Variants in SNX29 observed in about 807,000 individuals in gnomAD.
The protein encoded by SNX29 is sorting nexin 29, also known as sorting nexin-29.
A neutral mutation model predicts 102.1 loss-of-function variants in SNX29; 78 were observed. The ratio of observed to expected loss-of-function variants is 0.76; its 90% CI spans 0.64 to 0.92. The LOEUF (loss-of-function observed/expected upper bound fraction) is 0.92, where lower values mean the gene tolerates loss of function less well. Among genes scored for constraint, SNX29 ranks in the 40% least tolerant of loss-of-function variants. SNX29 has a pLI of 0.00. For synonymous variants in SNX29, 580 were observed against 414.5 expected, an observed-to-expected ratio of 1.40 and a Z score of -4.85; for missense variants, 1,280 against 1,061.7, an observed-to-expected ratio of 1.21 and a Z score of -2.86.
At chr16:12,557,350 G>A (rs149416216) in intron 20 of SNX29, 2 of 152,290 alleles carry the variant, frequency 1.3e-5, no homozygotes, top group East Asian at 1.9e-4. Flanking sequence ...CTCAGAAGAG[G>A]GTGGAGATGC....
At chr16:12,494,818 C>G (rs2088731815) in intron 19 of SNX29, among the ~76,000 whole-genome samples, 1 of 152,206 alleles carries the variant, frequency 6.6e-6, no homozygotes, top group African/African-American at 2.4e-5. Context: ...TGGCTCTTAG[C>G]TCTCCGCTGT....
chr16:12,065,555 C>T (rs2050995232), intron 9 of SNX29, among the ~76,000 whole-genome samples: 1 of 152,194 alleles, frequency 6.6e-6, no homozygotes, highest in African/African-American at 2.4e-5. Flanking sequence ...TCCTTGTCCT[C>T]ACGTTGGATC....
intron 18 of SNX29, among the ~76,000 whole-genome samples, chr16:12,426,913 G>T (rs950273687): frequency 2.0e-5 from 3 of 152,132 alleles, no homozygotes; most frequent in Non-Finnish European, 4.4e-5. Flanking sequence ...TGATCCACCT[G>T]CCTCGGCCTC....
intron 20 of SNX29, among the ~76,000 whole-genome samples, chr16:12,559,388 C>T (rs922459115): frequency 6.6e-6 from 1 of 151,302 alleles, no homozygotes; most frequent in Non-Finnish European, 1.5e-5. Flanking sequence ...TCACCCTCTC[C>T]CATCGCCCCC....
chr16:12,217,656 T>A (rs555000074), intron 14 of SNX29, among the ~76,000 whole-genome samples: 16 of 152,336 alleles, frequency 1.1e-4, no homozygotes, highest in African/African-American at 3.8e-4. Context: ...GTCCCATGCT[T>A]ATTTCCCCTG....
chr16:12,026,884 C>T (rs1274861157), intron 3 of SNX29, among the ~76,000 whole-genome samples: 2 of 152,154 alleles, frequency 1.3e-5, no homozygotes, highest in African/African-American at 4.8e-5. Flanking sequence ...CTGGTGAATT[C>T]AGTCTCCAAA....
intron 20 of SNX29, among the ~76,000 whole-genome samples, chr16:12,540,732 C>A (rs762574093): frequency 2.0e-5 from 3 of 152,182 alleles, no homozygotes; most frequent in Non-Finnish European, 4.4e-5. Flanking sequence ...AAGAGCTGGG[C>A]ATCCTTGGGG....
chr16:12,123,035 C>T (rs2054044493), intron 11 of SNX29, among the ~76,000 whole-genome samples: 1 of 152,068 alleles, frequency 6.6e-6, no homozygotes, highest in South Asian at 2.1e-4. Flanking sequence ...CCATGTTGGC[C>T]AGGCTGGTCT....
At chr16:12,492,924 G>T (rs1050188178) in intron 19 of SNX29, among the ~76,000 whole-genome samples, 2 of 152,150 alleles carry the variant, frequency 1.3e-5, no homozygotes, top group African/African-American at 4.8e-5. Flanking sequence ...TGCTGTTTTG[G>T]TTACTGTAGC....
chr16:12,301,128 C>G (rs1184524500), intron 15 of SNX29, among the ~76,000 whole-genome samples: 2 of 152,232 alleles, frequency 1.3e-5, no homozygotes, highest in Non-Finnish European at 2.9e-5. Context: ...CCCTCACTGT[C>G]TACATCTAGT....
intron 4 of SNX29, among the ~76,000 whole-genome samples, chr16:12,036,672 C>A (rs916506468): frequency 2.6e-5 from 4 of 151,854 alleles, no homozygotes; most frequent in African/African-American, 9.7e-5. Flanking sequence ...TGTTGTTGAG[C>A]AATGCTTTGT....
chr16:12,556,022 C>T (rs780454889), intron 20 of SNX29, among the ~76,000 whole-genome samples: 4 of 152,160 alleles, frequency 2.6e-5, no homozygotes, highest in South Asian at 2.1e-4. Context: ...GGACTCATGC[C>T]ATGCCACCGT....
At chr16:12,522,469 C>T (rs1597723809) in intron 19 of SNX29, among the ~76,000 whole-genome samples, 1 of 152,184 alleles carries the variant, frequency 6.6e-6, no homozygotes, top group Non-Finnish European at 1.5e-5. Flanking sequence ...TGGTTTGGAT[C>T]TGTGTTCCTA....
chr16:12,071,549 A>G (rs1275364367), intron 10 of SNX29, among the ~76,000 whole-genome samples: 1 of 152,198 alleles, frequency 6.6e-6, no homozygotes. Context: ...TGGTACCAGT[A>G]CCATGCTGTT....
intron 11 of SNX29, among the ~76,000 whole-genome samples, chr16:12,124,702 T>C (rs12708747): frequency 0.24 from 36,404 of 152,184 alleles, 4,354 homozygotes; most frequent in Middle Eastern, 0.33. Context: ...CAGCTGCATT[T>C]GTGGATGAAT....
At chr16:12,331,137 C>T (rs1300041320) in intron 15 of SNX29, among the ~76,000 whole-genome samples, 1 of 152,206 alleles carries the variant, frequency 6.6e-6, no homozygotes, top group African/African-American at 2.4e-5. Flanking sequence ...ATGAGCTTGG[C>T]AGGCCTGACT....
chr16:12,111,581 C>T (rs1009701236), intron 11 of SNX29, among the ~76,000 whole-genome samples: 2 of 152,178 alleles, frequency 1.3e-5, no homozygotes, highest in South Asian at 4.2e-4. Flanking sequence ...AAAGCAAGTG[C>T]CTGCTTCCAG....
intron 18 of SNX29, among the ~76,000 whole-genome samples, chr16:12,419,747 C>G (rs903019782): frequency 6.6e-6 from 1 of 152,178 alleles, no homozygotes; most frequent in Non-Finnish European, 1.5e-5. Context: ...AAGTGACTGT[C>G]TTTGACTCTC....
In SNX29 at chr16:12,569,460, G is replaced by A. The variant is rs570117239; in HGVS notation, c.*831G>A. 10 of 231,306 alleles carry A rather than the reference G, an allele frequency of 4.3e-5. No homozygotes were observed. The South Asian group carries it at 9.1e-4, about 21-fold the overall frequency. The allele number at this position is 231,306 out of a possible 1,614,324, so 14.3% of individuals were successfully genotyped here. A position where few individuals can be genotyped will look rare whatever the true frequency, so the allele number is the denominator to read the frequency against. ...AGTAGCATTGGCCCTACAGTCATGA[G>A]AGACTTGGGTCAGGGAACCACTGCA... is the stretch of plus-strand genomic sequence containing the variant. On this transcript the variant is annotated 3_prime_UTR_variant, in exon 21 of 21. Coordinates refer to ENST00000566228, the MANE Select transcript of SNX29 (RefSeq NM_032167.5).
Sources: allele counts gnomAD v4.1 joint callset (sites outside exome capture counted in the v4.1 genomes callset), GRCh38; gene constraint gnomAD v4.1.1; transcripts MANE v1.5; gene names NCBI Gene and HGNC (gene_info 2026-07-23, HGNC 2026-07-21).